Variants in ODF2L observed in about 807,000 individuals in gnomAD.
ODF2L encodes outer dense fiber of sperm tails 2 like.
In ODF2L, 76 loss-of-function variants were observed where a neutral mutation model predicts 86.3. The observed-to-expected ratio is 0.88, with a 90% confidence interval of 0.73 to 1.07. ODF2L has a LOEUF of 1.07. ODF2L is among the 50% of genes least tolerant of loss of function. ODF2L has a pLI of 0.00. For missense variants in ODF2L, 748 were observed against 717.4 expected, an observed-to-expected ratio of 1.04 and a Z score of -0.49; for synonymous variants, 241 against 231.3, an observed-to-expected ratio of 1.04 and a Z score of -0.38.
intron 10 of ODF2L, among the ~76,000 whole-genome samples, chr1:86,370,377 A>G (rs1459304664): frequency 1.3e-5 from 2 of 152,114 alleles, no homozygotes; most frequent in African/African-American, 4.8e-5. Context: ...TCTAAAATGT[A>G]CTCTATGCTA....
intron 11 of ODF2L, among the ~76,000 whole-genome samples, chr1:86,367,370 G>A (rs908697049): frequency 6.6e-6 from 1 of 152,076 alleles, no homozygotes; most frequent in Non-Finnish European, 1.5e-5. Flanking sequence ...GAAACACGAT[G>A]TGGGTTCAAG....
intron 3 of ODF2L, 77 bp from the exon 4 acceptor site, chr1:86,384,878 A>G (rs1296884583): frequency 2.6e-6 from 3 of 1,151,112 alleles, no homozygotes; most frequent in Non-Finnish European, 3.4e-6. Flanking sequence ...ATTATCAAAC[A>G]ATATTTTTTC....
At chr1:86,360,326 G>C in intron 12 of ODF2L, 100 bp downstream of exon 11, 1 of 579,254 alleles carries the variant, frequency 1.7e-6, no homozygotes, top group South Asian at 2.4e-5. Flanking sequence ...CACAATGATA[G>C]CCCCACCTCT....
intron 14 of ODF2L, 105 bp downstream of exon 13, chr1:86,356,339 G>T: frequency 1.2e-6 from 1 of 804,532 alleles, no homozygotes; most frequent in East Asian, 2.6e-5. Context: ...CTAAGTAGAT[G>T]GGAATTTAAA....
chr1:86,385,880 C>T (rs1570431925), intron 2 of ODF2L: 1 of 199,026 alleles, frequency 5.0e-6, no homozygotes, highest in African/African-American at 2.3e-5. Flanking sequence ...GATATGGAAA[C>T]TCTTTAATTG....
At chr1:86,354,437 G>A in intron 16 of ODF2L, 93 bp downstream of exon 15, 1 of 804,512 alleles carries the variant, frequency 1.2e-6, no homozygotes, top group South Asian at 1.8e-5. Context: ...CCTGTCATCA[G>A]GACAAAAACA....
chr1:86,382,498 G>T (rs760020836), intron 6 of ODF2L, 140 bp from the exon 7 acceptor site: 1 of 1,382,404 alleles, frequency 7.2e-7, no homozygotes, highest in Non-Finnish European at 9.6e-7. Context: ...ATAAACTGCC[G>T]CCCCTATTAC....
chr1:86,361,262 G>T (rs907298664), intron 11 of ODF2L, among the ~76,000 whole-genome samples: 1 of 152,184 alleles, frequency 6.6e-6, no homozygotes, highest in Non-Finnish European at 1.5e-5. Context: ...GTCAGCATTT[G>T]TATCAGTTTG....
At chr1:86,371,968 A>T (rs1391945762) in intron 9 of ODF2L, among the ~76,000 whole-genome samples, 1 of 152,106 alleles carries the variant, frequency 6.6e-6, no homozygotes, top group African/African-American at 2.4e-5. Flanking sequence ...CAGGCGGATC[A>T]CAAGGTCAGG....
Position 86,358,262 on chromosome 1 carries a change from C to G in ODF2L, c.1359+525G>C, listed in dbSNP as rs902998278. ...AAAAAACCAAACAGAGATGCGGTTT[C>G]ATTTAAAAATTTTAAAATATTCACA... is the stretch of plus-strand genomic sequence containing the variant. On this transcript the variant is annotated intron_variant, in intron 13 of 17. Transcript: ENST00000317336. 4.1e-5 allele frequency: 7 copies of G among 171,632 alleles called. No individual in the cohort carries two copies. In the East Asian group the frequency reaches 1.3e-3, roughly 33 times the overall value. 10.6% of individuals were successfully genotyped at this position (171,632 alleles called of 1,614,324 possible).
At chr1:86,387,771 GCT>G (rs1310611737) in intron 1 of ODF2L, among the ~76,000 whole-genome samples, 1 of 151,968 alleles carries the variant, frequency 6.6e-6, no homozygotes, top group African/African-American at 2.4e-5. Context: ...AACCATTAAG[GCT>G]CTCTTTTCCC....
chr1:86,349,024 C>A, downstream of ODF2L: 1 of 711,622 alleles, frequency 1.4e-6, no homozygotes, highest in South Asian at 3.9e-5. Flanking sequence ...TGTGTTCATT[C>A]TTAGAGCTCA....
chr1:86,352,142 C>G (rs1448620494), exon 18 of ODF2L: 3 of 1,492,970 alleles, frequency 2.0e-6, no homozygotes, highest in South Asian at 1.4e-5. Context: ...ACTCTTGAAT[C>G]TTTTAGGTTT....
At chr1:86,389,985 T>C (rs1310782485) in intron 1 of ODF2L, among the ~76,000 whole-genome samples, 1 of 152,178 alleles carries the variant, frequency 6.6e-6, no homozygotes, top group Non-Finnish European at 1.5e-5. Context: ...CCAATCCTAT[T>C]GACACTACTC....
intron 11 of ODF2L, chr1:86,368,525 T>G: frequency 1.0e-6 from 1 of 993,280 alleles, no homozygotes; most frequent in Non-Finnish European, 1.3e-6. Context: ...ATTAAAACCA[T>G]AGATAACATT....
rs1660765795 is a variant in ODF2L at position 86,384,021 on chromosome 1, T to C, written c.372+655A>G. On this transcript the variant is annotated intron_variant, in intron 4 of 17. Transcript: ENST00000317336. ...ACATAAAACTAACAGTTCTTAATAGTGATGTTTCACTAAGTGCTGAGATCA... is the reference window on the plus strand; with the variant it reads ...ACATAAAACTAACAGTTCTTAATAGCGATGTTTCACTAAGTGCTGAGATCA... Among the ~76,000 whole-genome samples the C allele has an allele frequency of 2.6e-5, 4 of 151,814 alleles. No individual in the cohort carries two copies. In the South Asian group the frequency reaches 8.3e-4, roughly 31 times the overall value.
chr1:86,356,176 C>T (rs2100770200), intron 14 of ODF2L, among the ~76,000 whole-genome samples: 1 of 152,274 alleles, frequency 6.6e-6, no homozygotes, highest in African/African-American at 2.4e-5. Flanking sequence ...TTTGCTCCTT[C>T]TCTCATTCTA....
chr1:86,374,712 A>C (rs1166500749), intron 8 of ODF2L, among the ~76,000 whole-genome samples: 1 of 152,202 alleles, frequency 6.6e-6, no homozygotes, highest in East Asian at 1.9e-4. Flanking sequence ...TTGAAACTGC[A>C]TGTGAATTAG....
At chr1:86,364,799 C>CT (rs1033363664) in intron 11 of ODF2L, among the ~76,000 whole-genome samples, 42 of 152,216 alleles carry the variant, frequency 2.8e-4, no homozygotes, top group African/African-American at 9.9e-4. Flanking sequence ...AGCTAAAAAG[C>CT]TAAAGAGCCA....
Sources: allele counts gnomAD v4.1 joint callset (sites outside exome capture counted in the v4.1 genomes callset), GRCh38; gene constraint gnomAD v4.1.1; transcripts MANE v1.5; gene names NCBI Gene and HGNC (gene_info 2026-07-23, HGNC 2026-07-21).